The following CREB1 variants were observed in gnomAD, a reference collection of about 807,000 sequenced individuals.
CREB1 encodes cyclic AMP-responsive element-binding protein 1.
Under a neutral mutation model 42.0 loss-of-function variants are expected in CREB1, and 2 were observed. The observed-to-expected ratio is 0.05, with a 90% confidence interval of 0.02 to 0.15. The LOEUF is 0.15. Ranked by LOEUF, CREB1 falls within the 10% of genes least tolerant of loss-of-function variation. The pLI, the probability that CREB1 is intolerant of heterozygous loss-of-function variation, is 1.00. For missense variants in CREB1, 199 were observed against 388.9 expected (o/e 0.51, Z 4.11); for synonymous variants, 123 against 139.9 (o/e 0.88, Z 0.85).
chr2:207,585,800 CT>C (rs1250356659), intron 7 of CREB1, among the ~76,000 whole-genome samples: 1 of 152,162 alleles, frequency 6.6e-6, no homozygotes, highest in East Asian at 1.9e-4. Flanking sequence ...AATTTCTGAA[CT>C]TTAAGAGAGA....
intron 4 of CREB1, among the ~76,000 whole-genome samples, chr2:207,569,887 C>A (rs2082288257): frequency 6.6e-6 from 1 of 151,438 alleles, no homozygotes; most frequent in Non-Finnish European, 1.5e-5. Context: ...ACTAAAAATA[C>A]CAAAAAAATT....
At chr2:207,590,391 T>A (rs370453208) in intron 7 of CREB1, among the ~76,000 whole-genome samples, 4 of 152,014 alleles carry the variant, frequency 2.6e-5, no homozygotes, top group African/African-American at 9.7e-5. Context: ...ATCAATTTTG[T>A]TGATTGTTTT....
chr2:207,595,787 TTG>T (rs2086038566), intron 7 of CREB1, among the ~76,000 whole-genome samples: 1 of 152,166 alleles, frequency 6.6e-6, no homozygotes, highest in African/African-American at 2.4e-5. Context: ...CAGGCTGTTC[TTG>T]AACACATGGG....
At chr2:207,548,003 C>T (rs1209060812) in intron 1 of CREB1, among the ~76,000 whole-genome samples, 4 of 151,728 alleles carry the variant, frequency 2.6e-5, no homozygotes, top group Admixed American at 6.6e-5. Flanking sequence ...GGTGCAATCT[C>T]GACTCACTAC....
chr2:207,600,835 A>T lies in CREB1; in HGVS notation c.*3777A>T, dbSNP rs1466289250. The T allele has an allele frequency of 4.8e-6, 1 of 206,836 alleles. No individual in the cohort carries two copies. The highest frequency in any genetic ancestry group is 2.3e-5 in the African/African-American group (1 of 43,868). The allele number at this position is 206,836 out of a possible 1,614,324, so 12.8% of individuals were successfully genotyped here. A position where few individuals can be genotyped will look rare whatever the true frequency, so the allele number is the denominator to read the frequency against. On this transcript the variant is annotated 3_prime_UTR_variant, in exon 8 of 8. Coordinates refer to ENST00000353267, the MANE Select transcript of CREB1 (RefSeq NM_004379.5). The stretch of plus-strand genomic sequence containing the variant: ...ACTATCATTTCTACCTTTTGGGGTG[A>T]CATGTGGAATCATACAAAGGCTTAG...
In CREB1 at chr2:207,597,102, G is replaced by T. The variant is rs372883715; in HGVS notation, c.*44G>T. ...ACCTGTTAAGGTGGAAAATGGACTG[G>T]CTTGGCCACAACCTGAAAGACAAAA... On this transcript the variant is annotated 3_prime_UTR_variant, in exon 8 of 8. Coordinates refer to ENST00000353267, the MANE Select transcript of CREB1 (RefSeq NM_004379.5). The T allele has an allele frequency of 6.5e-7, 1 of 1,542,582 alleles. No homozygotes were observed.
intron 5 of CREB1, among the ~76,000 whole-genome samples, chr2:207,574,953 A>G (rs1467751086): frequency 6.6e-6 from 1 of 152,236 alleles, no homozygotes; most frequent in Non-Finnish European, 1.5e-5. Flanking sequence ...ATGCTAAAAT[A>G]AAAGAAAGGA....
intron 2 of CREB1, among the ~76,000 whole-genome samples, chr2:207,556,101 CAG>C (rs1418907795): frequency 2.6e-5 from 4 of 151,772 alleles, no homozygotes; most frequent in South Asian, 2.1e-4. Flanking sequence ...TATTTTTTAA[CAG>C]TGGGAATGCA....
chr2:207,584,116 T>G (rs778992631), intron 7 of CREB1, among the ~76,000 whole-genome samples: 13 of 152,254 alleles, frequency 8.5e-5, no homozygotes, highest in Non-Finnish European at 1.8e-4. Flanking sequence ...ATAAAGTTAC[T>G]ATCAACACAT....
In CREB1 at chr2:207,600,769, ATC is replaced by A. The variant is rs1247179324; in HGVS notation, c.*3715_*3716del. 3 of 209,814 alleles carry A rather than the reference ATC, an allele frequency of 1.4e-5. No homozygotes were observed. Among genetic ancestry groups the A allele is most frequent in the Non-Finnish European group, 2.9e-5 (3 of 103,262 alleles). 13.0% of individuals were successfully genotyped at this position (209,814 alleles called of 1,614,324 possible). ...ATCAGATGTCATCTGGCTGAAGTTTATCTCTGTCTCTCAGGATAAATCCCTGT... is the reference window on the plus strand; with the variant it reads ...ATCAGATGTCATCTGGCTGAAGTTTATCTGTCTCTCAGGATAAATCCCTGT... On this transcript the variant is annotated 3_prime_UTR_variant, in exon 8 of 8. Transcript: ENST00000353267.
At chr2:207,569,119 A>G (rs1018698971) in intron 4 of CREB1, among the ~76,000 whole-genome samples, 5 of 152,202 alleles carry the variant, frequency 3.3e-5, no homozygotes, top group African/African-American at 1.2e-4. Context: ...TGATTCAACC[A>G]CTTGCCTTTA....
At chr2:207,548,085 A>C (rs895126098) in intron 1 of CREB1, among the ~76,000 whole-genome samples, 3 of 152,046 alleles carry the variant, frequency 2.0e-5, no homozygotes, top group Non-Finnish European at 2.9e-5. Flanking sequence ...GGTGCACACC[A>C]CCACGCCCAG....
intron 7 of CREB1, among the ~76,000 whole-genome samples, chr2:207,590,336 CT>C (rs1487213796): frequency 6.6e-6 from 1 of 151,798 alleles, no homozygotes; most frequent in African/African-American, 2.4e-5. Flanking sequence ...TTCGCCACCC[CT>C]ACCCCAGCCA....
chr2:207,547,839 C>T (rs1270982489), intron 1 of CREB1, among the ~76,000 whole-genome samples: 1 of 151,972 alleles, frequency 6.6e-6, no homozygotes. Context: ...TAAGAAAGCA[C>T]TACAGCTTTC....
At chr2:207,576,579 A>T in intron 6 of CREB1, 1 of 676,116 alleles carries the variant, frequency 1.5e-6, no homozygotes, top group South Asian at 1.6e-5. Context: ...TTTGAAAAAG[A>T]TACTATTTTG....
intron 1 of CREB1, among the ~76,000 whole-genome samples, chr2:207,553,613 A>G (rs1192368478): frequency 6.6e-6 from 1 of 152,216 alleles, no homozygotes; most frequent in African/African-American, 2.4e-5. Flanking sequence ...CTGGTGTTTA[A>G]AAAACTTTGT....
At chr2:207,564,926 CG>C (rs1354155010) in intron 3 of CREB1, among the ~76,000 whole-genome samples, 2 of 151,928 alleles carry the variant, frequency 1.3e-5, no homozygotes, top group Non-Finnish European at 2.9e-5. Context: ...GATGATGATA[CG>C]TGATGTTTAT....
chr2:207,584,109 A>C (rs1359323334), intron 7 of CREB1, among the ~76,000 whole-genome samples: 1 of 152,256 alleles, frequency 6.6e-6, no homozygotes, highest in Admixed American at 6.5e-5. Flanking sequence ...TAGAGAAATA[A>C]AGTTACTATC....
chr2:207,605,571 G>A lies in CREB1; in HGVS notation c.*8513G>A, dbSNP rs1398288471. 1.3e-5 allele frequency among the ~76,000 whole-genome samples: 2 copies of A among 151,980 alleles called. No individual in the cohort carries two copies. The highest frequency in any genetic ancestry group is 2.9e-5 in the Non-Finnish European group (2 of 68,004). On this transcript the variant is annotated 3_prime_UTR_variant, in exon 8 of 8. Transcript: ENST00000353267. Reference sequence around the variant, plus strand: ...AAGGGCAAACTGTAAGAAGTTTTTTGTGTTATGTTTTTTGTGACAGTCTGT... The same window carrying A: ...AAGGGCAAACTGTAAGAAGTTTTTTATGTTATGTTTTTTGTGACAGTCTGT...
Sources: allele counts gnomAD v4.1 joint callset (sites outside exome capture counted in the v4.1 genomes callset), GRCh38; gene constraint gnomAD v4.1.1; transcripts MANE v1.5; gene names NCBI Gene and HGNC (gene_info 2026-07-23, HGNC 2026-07-21).